The following STX7 variants were observed in gnomAD, a reference collection of about 807,000 sequenced individuals.
STX7 encodes syntaxin 7, also known as syntaxin-7.
In STX7, 34 loss-of-function variants were observed where a neutral mutation model predicts 39.6. The observed-to-expected ratio is 0.86, with a 90% CI of 0.65 to 1.14. The LOEUF (loss-of-function observed/expected upper bound fraction) is 1.14, where lower values mean the gene tolerates loss of function less well. Ranked by LOEUF, STX7 falls within the 50% of genes most tolerant of loss-of-function variation. The pLI, the probability that STX7 is intolerant of heterozygous loss-of-function variation, is 0.00. For synonymous variants in STX7, 119 were observed against 99.1 expected (o/e 1.20, Z -1.19); for missense variants, 284 against 310.4 (o/e 0.92, Z 0.64).
chr6:132,482,340 T>C (rs970925513), intron 2 of STX7, among the ~76,000 whole-genome samples: 1 of 152,132 alleles, frequency 6.6e-6, no homozygotes, highest in Non-Finnish European at 1.5e-5. Context: ...TGAGGATCAA[T>C]TAAAGGCATC....
intron 2 of STX7, among the ~76,000 whole-genome samples, chr6:132,497,957 G>T (rs145142777): frequency 6.6e-6 from 1 of 152,272 alleles, no homozygotes; most frequent in Non-Finnish European, 1.5e-5. Flanking sequence ...GATAACAAAC[G>T]ATTTTGTTTG....
Position 132,470,056 on chromosome 6 carries a change from A to G in STX7, c.441-9T>C, listed in dbSNP as rs758713019. 4.0e-5 allele frequency: 63 copies of G among 1,572,232 alleles called. No individual in the cohort carries two copies. Among genetic ancestry groups the G allele is most frequent in the Admixed American group, 6.2e-5 (3 of 48,542 alleles). ...CTTGAGGTTGAGTTTGGCTAACAGA[A>G]AAAAATGAATGTGGAAAAAAACAAA... On this transcript the variant is annotated splice_polypyrimidine_tract_variant and intron_variant, in intron 6 of 9. Transcript: ENST00000367941.
Position 132,471,503 on chromosome 6 carries a change from T to C in STX7, c.347A>G (p.Lys116Arg), listed in dbSNP as rs2114378421. 1 of 1,614,046 alleles carries C rather than the reference T, an allele frequency of 6.2e-7. No homozygotes were observed. The highest frequency in any genetic ancestry group is 8.5e-7 in the Non-Finnish European group (1 of 1,179,932). ...KVQRQAAERE[K>R]EFVARVRASS... ...GGCTCTTACTCGAGCAACAAACTCTTTCTCTCGCTCAGCAGCCTGCCTCTG... is the reference window on the plus strand; with the variant it reads ...GGCTCTTACTCGAGCAACAAACTCTCTCTCTCGCTCAGCAGCCTGCCTCTG... The change falls in exon 5 of 10, where the codon AAA becomes AGA. Residue 116 changes from lysine to arginine, a missense_variant. Lys to Arg is a conservative substitution (Grantham distance 26). Coordinates refer to ENST00000367941, the MANE Select transcript of STX7 (RefSeq NM_003569.3).
In STX7 at chr6:132,475,674, G is replaced by C. The variant is rs772994382; in HGVS notation, c.86-12C>G. 1 of 1,573,582 alleles carries C rather than the reference G, an allele frequency of 6.4e-7. No individual in the cohort carries two copies. Among genetic ancestry groups the C allele is most frequent in the Admixed American group, 1.7e-5 (1 of 57,998 alleles). The stretch of plus-strand genomic sequence containing the variant: ...TTGTATTTCCACAGCTATTATAATA[G>C]AAAATTCATGTATTAATTGTCACAA... On this transcript the variant is annotated splice_polypyrimidine_tract_variant and intron_variant, in intron 2 of 9. Coordinates refer to ENST00000367941, the MANE Select transcript of STX7 (RefSeq NM_003569.3).
At chr6:132,489,409 C>T (rs1156333604) in intron 2 of STX7, among the ~76,000 whole-genome samples, 2 of 151,796 alleles carry the variant, frequency 1.3e-5, no homozygotes, top group African/African-American at 2.4e-5. Context: ...CAAGAAAAAC[C>T]AAGAAAAGTG....
chr6:132,493,021 G>T (rs1775334202), intron 2 of STX7, among the ~76,000 whole-genome samples: 1 of 152,130 alleles, frequency 6.6e-6, no homozygotes, highest in Admixed American at 6.5e-5. Flanking sequence ...TCCCAAGCAG[G>T]AGAACAGTCC....
chr6:132,478,468 C>T (rs148089891), intron 2 of STX7, among the ~76,000 whole-genome samples: 1 of 152,182 alleles, frequency 6.6e-6, no homozygotes, highest in Non-Finnish European at 1.5e-5. Context: ...AGTAAGGGCT[C>T]TTATGGAAGG....
intron 1 of STX7, among the ~76,000 whole-genome samples, chr6:132,505,290 GAGA>G (rs1463727717): frequency 6.6e-6 from 1 of 152,196 alleles, no homozygotes; most frequent in Non-Finnish European, 1.5e-5. Context: ...ATTTCTGGTA[GAGA>G]AGAAGCCACA....
chr6:132,500,469 A>C (rs958569984), intron 2 of STX7, among the ~76,000 whole-genome samples: 1 of 152,132 alleles, frequency 6.6e-6, no homozygotes, highest in African/African-American at 2.4e-5. Flanking sequence ...CCTTTCTCTG[A>C]ATCTTCTCAC....
At chr6:132,495,209 C>A (rs1775395004) in intron 2 of STX7, among the ~76,000 whole-genome samples, 1 of 152,094 alleles carries the variant, frequency 6.6e-6, no homozygotes, top group African/African-American at 2.4e-5. Context: ...TCATATCCGG[C>A]CATAAACACC....
At chr6:132,469,373 C>T (rs191681729) in intron 7 of STX7, among the ~76,000 whole-genome samples, 99 of 152,252 alleles carry the variant, frequency 6.5e-4, no homozygotes, top group Middle Eastern at 3.4e-3. Flanking sequence ...TTTCTCAATA[C>T]TAAGGTGGTC....
rs1269626265 is a variant in STX7, at chr6:132,460,828, C to T, written c.716G>A (p.Cys239Tyr). ...DYQRKSRKTL[C>Y]IIILILVIGV... is the part of the protein sequence containing the mutation. ...AATGACAAGGATAAGAATGATGATG[C>T]ACAGGGTTTTTCTGGATTTGCGCTG... Residue 239 changes from cysteine to tyrosine, a missense_variant, in exon 10 of 10, where the codon TGC (cysteine) becomes TAC (tyrosine). Transcript: ENST00000367941. 6.2e-7 allele frequency: 1 copy of T among 1,613,352 alleles called. No homozygotes were observed.
intron 1 of STX7, among the ~76,000 whole-genome samples, chr6:132,511,240 G>A (rs1338196397): frequency 6.6e-6 from 1 of 152,178 alleles, no homozygotes; most frequent in Non-Finnish European, 1.5e-5. Flanking sequence ...AAATTCCAGT[G>A]CCTTCTTTCA....
Position 132,459,527 on chromosome 6 carries a change from T to G in STX7, c.*1231A>C, listed in dbSNP as rs1774334306. The G allele has an allele frequency of 6.6e-6, 1 of 152,302 alleles. No homozygotes were observed. The highest frequency in any genetic ancestry group is 2.4e-5 in the African/African-American group (1 of 41,578). The allele number at this position is 152,302 out of a possible 1,614,324, so 9.4% of individuals were successfully genotyped here. On this transcript the variant is annotated 3_prime_UTR_variant, in exon 10 of 10. Transcript: ENST00000367941. ...GCCTAACCAGATACCTTTTAACTCA[T>G]CTTTATTTTGGTTGCAAAGATGTGG...
intron 5 of STX7, 30 bp downstream of exon 5, chr6:132,471,433 C>T (rs745566882): frequency 1.9e-6 from 3 of 1,597,286 alleles, no homozygotes; most frequent in Non-Finnish European, 2.6e-6. Context: ...TAACCATGTT[C>T]ATTTCTAGAA....
rs1013087572 is a variant in STX7, at chr6:132,460,066, T to C, written c.*692A>G. ...GTTAAACATTTTTAGTAACTACACT[T>C]TCCCCCGTAAACATCAGACTTAAAT... On this transcript the variant is annotated 3_prime_UTR_variant, in exon 10 of 10. Coordinates refer to ENST00000367941, the MANE Select transcript of STX7 (RefSeq NM_003569.3). 3.3e-5 allele frequency: 5 copies of C among 152,180 alleles called. No homozygotes were observed. Among genetic ancestry groups the C allele is most frequent in the African/African-American group, 1.2e-4 (5 of 41,442 alleles). 9.4% of individuals were successfully genotyped at this position (152,180 alleles called of 1,614,324 possible).
At chr6:132,464,154 A>T in intron 8 of STX7, 79 bp from the exon 9 acceptor site, 9 of 1,351,260 alleles carry the variant, frequency 6.7e-6, no homozygotes, top group Non-Finnish European at 9.5e-6. Context: ...ATTTCATTCA[A>T]GGTAAGATTA....
Position 132,468,391 on chromosome 6 carries a change from A to T in STX7, c.610+12T>A, listed in dbSNP as rs771913443. ...TGCTCTCACCTCCAAAATCTAAGTCAGCAGGTCTTACCTATTACATCTCCT... is the reference window on the plus strand; with the variant it reads ...TGCTCTCACCTCCAAAATCTAAGTCTGCAGGTCTTACCTATTACATCTCCT... On this transcript the variant is annotated intron_variant, in intron 8 of 9. Coordinates refer to ENST00000367941, the MANE Select transcript of STX7 (RefSeq NM_003569.3). The T allele has an allele frequency of 6.2e-7, 1 of 1,604,498 alleles. No individual in the cohort carries two copies. The highest frequency in any genetic ancestry group is 1.7e-5 in the Admixed American group (1 of 58,684).
intron 1 of STX7, among the ~76,000 whole-genome samples, chr6:132,506,233 A>G (rs1019811467): frequency 3.3e-5 from 5 of 152,178 alleles, no homozygotes; most frequent in African/African-American, 1.2e-4. Flanking sequence ...GCAACAAGAC[A>G]AAAAACAGAC....
Sources: allele counts gnomAD v4.1 joint callset (sites outside exome capture counted in the v4.1 genomes callset), GRCh38; gene constraint gnomAD v4.1.1; transcripts MANE v1.5; gene names NCBI Gene and HGNC (gene_info 2026-07-23, HGNC 2026-07-21).